The following VPS54 variants were observed in gnomAD, a reference collection of about 807,000 sequenced individuals.
VPS54 encodes the protein VPS54 subunit of GARP complex, also known as vacuolar protein sorting-associated protein 54.
A neutral mutation model predicts 121.5 loss-of-function variants in VPS54; 45 were observed. That is an observed-to-expected ratio of 0.37 (90% CI 0.29 to 0.47). VPS54 has a LOEUF of 0.47. VPS54 is among the 20% of genes least tolerant of loss of function. The probability of loss-of-function intolerance (pLI) is 0.99; values close to 1 mark genes in which losing one functional copy is unlikely to be tolerated. For synonymous variants in VPS54, 371 were observed against 385.8 expected (o/e 0.96, Z 0.45); for missense variants, 1,090 against 1,131.4 (o/e 0.96, Z 0.52).
intron 15 of VPS54, among the ~76,000 whole-genome samples, chr2:63,918,391 C>T (rs1673481354): frequency 1.3e-5 from 2 of 151,926 alleles, no homozygotes; most frequent in South Asian, 4.1e-4. Context: ...TCTAGCACAG[C>T]ACCTCACATA....
chr2:63,906,564 C>G (rs568890287), intron 20 of VPS54, among the ~76,000 whole-genome samples: 2 of 152,242 alleles, frequency 1.3e-5, no homozygotes, highest in South Asian at 4.2e-4. Flanking sequence ...ATTTAATGGG[C>G]TCACTGGGGG....
At chr2:63,978,563 A>G (rs770445778) in intron 3 of VPS54, among the ~76,000 whole-genome samples, 4 of 152,232 alleles carry the variant, frequency 2.6e-5, no homozygotes, top group Non-Finnish European at 4.4e-5. Flanking sequence ...TCTTTGTGGA[A>G]AGGTATTTAA....
At chr2:63,949,256 G>A in intron 7 of VPS54, 93 bp from the exon 8 acceptor site, 1 of 1,273,906 alleles carries the variant, frequency 7.8e-7, no homozygotes, top group South Asian at 1.5e-5. Context: ...AACTTTTTCA[G>A]TTGACAGTAC....
intron 18 of VPS54, 151 bp downstream of exon 18, chr2:63,913,072 T>C: frequency 6.6e-6 from 4 of 602,400 alleles, no homozygotes; most frequent in Non-Finnish European, 1.1e-5. Context: ...TTTTCAGTGA[T>C]GAGTATACAT....
intron 1 of VPS54, among the ~76,000 whole-genome samples, chr2:64,005,695 A>G (rs910039457): frequency 2.0e-5 from 3 of 152,220 alleles, no homozygotes; most frequent in Non-Finnish European, 4.4e-5. Flanking sequence ...TCTTGTACCC[A>G]CCCAGCTGTG....
intron 21 of VPS54, among the ~76,000 whole-genome samples, chr2:63,899,243 T>C (rs1575880086): frequency 1.3e-5 from 2 of 152,324 alleles, no homozygotes; most frequent in South Asian, 2.1e-4. Flanking sequence ...ACCTACTTTT[T>C]AGAATTGTTT....
chr2:63,919,726 A>T (rs892354901), intron 15 of VPS54, among the ~76,000 whole-genome samples, 157 bp downstream of exon 15: 5 of 152,142 alleles, frequency 3.3e-5, no homozygotes, highest in Admixed American at 2.6e-4. Context: ...AATAATTATT[A>T]TAAATTACCA....
rs747320667 is a variant in VPS54, at chr2:63,920,591, T to A, written c.1906A>T (p.Ile636Leu). The A allele has an allele frequency of 4.5e-6, 7 of 1,540,192 alleles. No individual in the cohort carries two copies. Among genetic ancestry groups the A allele is most frequent in the Non-Finnish European group, 6.1e-6 (7 of 1,145,934 alleles). ...GTTTCCATTAATCTAGAAAGTGTTA[T>A]GAATTCCATGGAATTTAGCTTCTCA... ...FLEKLNSMEF[I>L]TLSRLMETFI... Residue 636 changes from isoleucine (I) to leucine (L), a missense_variant, in exon 14 of 23, where the codon ATA (isoleucine) becomes TTA (leucine). Transcript: ENST00000272322.
Position 63,897,499 on chromosome 2 carries a change from T to G in VPS54, c.2825A>C (p.Asn942Thr), listed in dbSNP as rs1209870175. ...LNVINDGGPQ[N>T]GLVTADVAFY... Reference sequence around the variant, plus strand: ...GTGAAAACGTTAAAAAACATACCCATTTTGAGGTCCTCCATCATTTATCAC... The same window carrying G: ...GTGAAAACGTTAAAAAACATACCCAGTTTGAGGTCCTCCATCATTTATCAC... The change falls in exon 22 of 23, where the codon AAT becomes ACT. Residue 942 changes from asparagine to threonine, a missense_variant. Asn to Thr is a moderately conservative substitution (Grantham distance 65, BLOSUM62 0). Transcript: ENST00000272322. The G allele has an allele frequency of 6.3e-7, 1 of 1,587,144 alleles. No homozygotes were observed. Among genetic ancestry groups the G allele is most frequent in the African/African-American group, 1.4e-5 (1 of 73,866 alleles).
chr2:63,985,179 G>A (rs1448044379), intron 1 of VPS54, among the ~76,000 whole-genome samples: 1 of 152,060 alleles, frequency 6.6e-6, no homozygotes. Context: ...AATTAGCTGG[G>A]CGTGGTGGTG....
At chr2:64,017,758 T>A (rs1002726863) in intron 1 of VPS54, among the ~76,000 whole-genome samples, 28 of 152,366 alleles carry the variant, frequency 1.8e-4, no homozygotes, top group African/African-American at 6.7e-4. Flanking sequence ...TATCAGAACA[T>A]AATTTAAAAA....
intron 1 of VPS54, among the ~76,000 whole-genome samples, chr2:64,014,853 G>T (rs1406699893): frequency 6.6e-6 from 1 of 152,036 alleles, no homozygotes; most frequent in African/African-American, 2.4e-5. Flanking sequence ...TTATCCATAA[G>T]GTATGGATGA....
At position 63,894,820 on chromosome 2, in the gene VPS54, T is replaced by C. The variant is rs375666193; in HGVS notation, c.2829-1285A>G. Among the ~76,000 whole-genome samples the C allele has an allele frequency of 5.9e-5, 9 of 152,252 alleles. No homozygotes were observed. In the East Asian group the frequency reaches 1.7e-3, roughly 29 times the overall value. On this transcript the variant is annotated intron_variant, in intron 22 of 22. Coordinates refer to ENST00000272322, the MANE Select transcript of VPS54 (RefSeq NM_016516.3). The stretch of plus-strand genomic sequence containing the variant: ...CCTAGTAGAAAGCAAGCTGCATATA[T>C]GCAATATACCATATAAGTAAATTTA...
chr2:63,894,229 C>A (rs556345310), intron 22 of VPS54, among the ~76,000 whole-genome samples: 1 of 152,180 alleles, frequency 6.6e-6, no homozygotes, highest in Admixed American at 6.5e-5. Context: ...GTTGGTACAG[C>A]CACTGTCAAT....
intron 15 of VPS54, among the ~76,000 whole-genome samples, chr2:63,918,956 G>T (rs923419972): frequency 6.6e-6 from 1 of 151,986 alleles, no homozygotes; most frequent in Admixed American, 6.6e-5. Flanking sequence ...GTTACTGTTG[G>T]TGTTTTACTC....
intron 11 of VPS54, among the ~76,000 whole-genome samples, chr2:63,940,548 G>C (rs1387482551): frequency 6.6e-6 from 1 of 152,082 alleles, no homozygotes; most frequent in Non-Finnish European, 1.5e-5. Context: ...ATAACTTTAA[G>C]TGAAACCACG....
rs562385744 is a variant in VPS54, at chr2:63,983,746, C to G, written c.136+118G>C. ...CGTGAGCCACCGTGCCCGGCCCCCC[C>G]AAATGATTTTTAACATCATAAAATT... On this transcript the variant is annotated intron_variant, in intron 2 of 22. Transcript: ENST00000272322. 7 of 1,350,404 alleles carry G rather than the reference C, an allele frequency of 5.2e-6. No homozygotes were observed. The African/African-American group carries it at 8.8e-5, about 17-fold the overall frequency. The allele number at this position is 1,350,404 out of a possible 1,614,324, so 83.7% of individuals were successfully genotyped here. A position where few individuals can be genotyped will look rare whatever the true frequency, so the allele number is the denominator to read the frequency against.
chr2:63,944,099 T>A (rs1674864355), intron 10 of VPS54, among the ~76,000 whole-genome samples: 1 of 152,066 alleles, frequency 6.6e-6, no homozygotes, highest in Non-Finnish European at 1.5e-5. Flanking sequence ...AATCATTAAC[T>A]CAAACTTCTC....
At chr2:63,989,546 A>G (rs969653738) in intron 1 of VPS54, among the ~76,000 whole-genome samples, 1 of 152,174 alleles carries the variant, frequency 6.6e-6, no homozygotes, top group Non-Finnish European at 1.5e-5. Flanking sequence ...TTCCCCCGAT[A>G]TCTGGTGCCC....
Sources: allele counts gnomAD v4.1 joint callset (sites outside exome capture counted in the v4.1 genomes callset), GRCh38; gene constraint gnomAD v4.1.1; transcripts MANE v1.5; gene names NCBI Gene and HGNC (gene_info 2026-07-23, HGNC 2026-07-21).